PTPRD: variants seen among roughly 807,000 people sequenced by gnomAD.
The protein encoded by PTPRD is protein tyrosine phosphatase receptor type D.
In PTPRD, 34 loss-of-function variants were observed where a neutral mutation model predicts 214.5. That is an observed-to-expected ratio of 0.16 (90% CI 0.12 to 0.21). PTPRD has a LOEUF of 0.21. Among genes scored for constraint, PTPRD ranks in the 10% least tolerant of loss-of-function variants. The pLI, the probability that PTPRD is intolerant of heterozygous loss-of-function variation, is 1.00. For missense variants in PTPRD, 2,545 were observed against 2,398.7 expected, an observed-to-expected ratio of 1.06 and a Z score of -1.27; for synonymous variants, 1,128 against 845.7, an observed-to-expected ratio of 1.33 and a Z score of -5.79.
At chr9:10,560,284 C>A (rs2063589102) in intron 2 of PTPRD, among the ~76,000 whole-genome samples, 1 of 152,060 alleles carries the variant, frequency 6.6e-6, no homozygotes, top group Non-Finnish European at 1.5e-5. Context: ...TGGAAATCAT[C>A]ATTCTCAGTA....
At chr9:8,491,163 G>A (rs758377570) in intron 27 of PTPRD, among the ~76,000 whole-genome samples, 31 of 152,226 alleles carry the variant, frequency 2.0e-4, no homozygotes, top group Non-Finnish European at 3.5e-4. Context: ...AAGTAAACGT[G>A]TAGGCATCTA....
chr9:10,181,942 T>TAA lies in PTPRD; in HGVS notation c.-544-148154_-544-148153dup, dbSNP rs3075573. 8.6e-4 allele frequency among the ~76,000 whole-genome samples: 33 copies of TAA among 38,510 alleles called. 1 individual carries two copies. In the South Asian group the frequency reaches 0.017, roughly 20 times the overall value. The allele number at this position is 38,510 out of a possible 152,430, so 25.3% of individuals were successfully genotyped here. On this transcript the variant is annotated intron_variant, in intron 3 of 45. Transcript: ENST00000381196. ...AAATATGACTATGTATCATAAATAC[T>TAA]AAAAAAAAAAAAAAAAAAAAAAAAA...
chr9:10,147,023 T>G (rs2099027680), intron 3 of PTPRD, among the ~76,000 whole-genome samples: 1 of 152,138 alleles, frequency 6.6e-6, no homozygotes, highest in African/African-American at 2.4e-5. Flanking sequence ...CGATGGAATA[T>G]TCTACCCCGT....
At chr9:8,549,162 T>C (rs2081245855) in intron 14 of PTPRD, among the ~76,000 whole-genome samples, 1 of 152,120 alleles carries the variant, frequency 6.6e-6, no homozygotes, top group African/African-American at 2.4e-5. Context: ...TAACATAGAA[T>C]TATAATTATG....
At chr9:9,470,369 A>C (rs1408714245) in intron 8 of PTPRD, among the ~76,000 whole-genome samples, 1 of 152,184 alleles carries the variant, frequency 6.6e-6, no homozygotes, top group African/African-American at 2.4e-5. Flanking sequence ...ATTGATTTCC[A>C]AGATGTTATA....
chr9:8,482,645 T>C (rs915321433), intron 30 of PTPRD, among the ~76,000 whole-genome samples: 4 of 152,196 alleles, frequency 2.6e-5, no homozygotes, highest in Non-Finnish European at 4.4e-5. Flanking sequence ...ATTATTGAAA[T>C]GTTATCATGC....
At chr9:9,447,263 C>T (rs71497139) in intron 8 of PTPRD, among the ~76,000 whole-genome samples, 1 of 152,176 alleles carries the variant, frequency 6.6e-6, no homozygotes, top group Admixed American at 6.5e-5. Flanking sequence ...ATGGAATCAA[C>T]CTAAATGTCC....
At chr9:10,181,332 T>C (rs940780532) in intron 3 of PTPRD, among the ~76,000 whole-genome samples, 6 of 152,156 alleles carry the variant, frequency 3.9e-5, no homozygotes, top group African/African-American at 1.4e-4. Context: ...GACTAGCGTA[T>C]ATGGAATTTC....
At chr9:10,006,709 T>G (rs2096484678) in intron 4 of PTPRD, among the ~76,000 whole-genome samples, 1 of 151,958 alleles carries the variant, frequency 6.6e-6, no homozygotes, top group Admixed American at 6.6e-5. Flanking sequence ...GTAGGATTTC[T>G]TCTATGTTTC....
chr9:9,536,870 A>G (rs1362940517), intron 8 of PTPRD, among the ~76,000 whole-genome samples: 1 of 152,020 alleles, frequency 6.6e-6, no homozygotes, highest in Non-Finnish European at 1.5e-5. Context: ...CGCAAGAGAA[A>G]AGTTTGGCAT....
intron 8 of PTPRD, among the ~76,000 whole-genome samples, chr9:9,506,277 A>C (rs1330377866): frequency 6.6e-6 from 1 of 151,422 alleles, no homozygotes; most frequent in Non-Finnish European, 1.5e-5. Context: ...TACTGAGGAC[A>C]AAAGGAAATA....
chr9:10,186,785 G>A (rs749787121), intron 3 of PTPRD, among the ~76,000 whole-genome samples: 11 of 151,998 alleles, frequency 7.2e-5, no homozygotes, highest in Non-Finnish European at 1.6e-4. Flanking sequence ...AGAAAACTGA[G>A]TTTTCAGATT....
At chr9:10,560,369 G>A (rs901564250) in intron 2 of PTPRD, among the ~76,000 whole-genome samples, 6 of 151,796 alleles carry the variant, frequency 4.0e-5, no homozygotes, top group Non-Finnish European at 7.4e-5. Flanking sequence ...GATAACACAT[G>A]GACACAGGAA....
chr9:9,506,164 T>C (rs2096565676), intron 8 of PTPRD, among the ~76,000 whole-genome samples: 2 of 151,484 alleles, frequency 1.3e-5, no homozygotes. Context: ...GTCTATAGTA[T>C]TTCACCTATA....
At position 9,078,196 on chromosome 9, in the gene PTPRD, T is replaced by C. The variant is rs183731468; in HGVS notation, c.-142-59461A>G. Among the ~76,000 whole-genome samples, 335 of 152,208 alleles carry C rather than the reference T, an allele frequency of 2.2e-3. 1 individual carries two copies. The highest frequency in any genetic ancestry group is 7.6e-3 in the African/African-American group (315 of 41,546). On this transcript the variant is annotated intron_variant, in intron 10 of 45. Coordinates refer to ENST00000381196, the MANE Select transcript of PTPRD (RefSeq NM_002839.4). ...AATTAAATGTCTGCAAGACATAACA[T>C]TATGTAAACGTCATTAATTATTAAA...
At chr9:10,203,355 C>T (rs993379936) in intron 3 of PTPRD, among the ~76,000 whole-genome samples, 12 of 151,676 alleles carry the variant, frequency 7.9e-5, no homozygotes, top group Admixed American at 2.6e-4. Flanking sequence ...TAAACCTAGC[C>T]CTAGTTAACA....
At chr9:9,850,586 G>A (rs1440371721) in intron 5 of PTPRD, among the ~76,000 whole-genome samples, 3 of 151,952 alleles carry the variant, frequency 2.0e-5, no homozygotes, top group Non-Finnish European at 4.4e-5. Flanking sequence ...TGTATATATA[G>A]TGTAAATGAT....
At chr9:8,493,016 A>ATG (rs1563800221) in intron 26 of PTPRD, 37 bp from the exon 27 acceptor site, 1 of 1,512,580 alleles carries the variant, frequency 6.6e-7, no homozygotes, top group Admixed American at 1.7e-5. Context: ...GATTCAAAAC[A>ATG]TGCTACTAAT....
chr9:9,147,691 C>G lies in PTPRD; in HGVS notation c.-143+35613G>C, dbSNP rs982039693. On this transcript the variant is annotated intron_variant, in intron 10 of 45. Coordinates refer to ENST00000381196, the MANE Select transcript of PTPRD (RefSeq NM_002839.4). The stretch of plus-strand genomic sequence containing the variant: ...GTTGAGCAATTGCTTGCCACAGAGA[C>G]CATATGTCCCACAAAGTCTAAATTA... 1.7e-4 allele frequency among the ~76,000 whole-genome samples: 26 copies of G among 152,136 alleles called. No homozygotes were observed. In the East Asian group the frequency reaches 4.3e-3, roughly 25 times the overall value.
Sources: allele counts gnomAD v4.1 joint callset (sites outside exome capture counted in the v4.1 genomes callset), GRCh38; gene constraint gnomAD v4.1.1; transcripts MANE v1.5; gene names NCBI Gene and HGNC (gene_info 2026-07-23, HGNC 2026-07-21).